Variants in AGAP1 observed in about 807,000 individuals in gnomAD.
AGAP1 encodes the protein ArfGAP with GTPase domain, ankyrin repeat and PH domain 1.
A neutral mutation model predicts 105.3 loss-of-function variants in AGAP1; 29 were observed. That is an observed-to-expected ratio of 0.28 (90% CI 0.21 to 0.38). The LOEUF (loss-of-function observed/expected upper bound fraction) is 0.38, where lower values mean the gene tolerates loss of function less well. Ranked by LOEUF, AGAP1 falls within the 10% of genes least tolerant of loss-of-function variation. AGAP1 has a pLI of 1.00. For missense variants in AGAP1, 998 were observed against 1,165.1 expected (o/e 0.86, Z 2.09); for synonymous variants, 509 against 485.9 (o/e 1.05, Z -0.63).
At position 236,032,479 on chromosome 2, in the gene AGAP1, G is replaced by C. The variant is rs1414220735; in HGVS notation, c.1646-4082G>C. On this transcript the variant is annotated intron_variant, in intron 13 of 17. Coordinates refer to ENST00000304032, the MANE Select transcript of AGAP1 (RefSeq NM_001037131.3). ...AGCAACGTCAGGTGCTCCAGAAAGA[G>C]GGGGGTCAGTGAGAAAGAAGACTAA... Among the ~76,000 whole-genome samples the C allele has an allele frequency of 4.6e-5, 7 of 152,164 alleles. No individual in the cohort carries two copies. The East Asian group carries it at 1.2e-3, about 25-fold the overall frequency.
At chr2:235,968,664 G>C (rs79577109) in intron 13 of AGAP1, 41 bp downstream of exon 13, 1 of 1,576,874 alleles carries the variant, frequency 6.3e-7, no homozygotes, top group South Asian at 1.2e-5. Context: ...TCTCCACTGC[G>C]GAAAATTCTC....
intron 5 of AGAP1, among the ~76,000 whole-genome samples, chr2:235,749,210 T>TA (rs1553621045): frequency 1.2e-4 from 18 of 148,830 alleles, no homozygotes; most frequent in East Asian, 2.0e-4. Flanking sequence ...TCCATCTCAT[T>TA]AAAAAAAAAG....
At position 235,740,183 on chromosome 2, in the gene AGAP1, C is replaced by G. The variant is rs775665867; in HGVS notation, c.311-780C>G. Among the ~76,000 whole-genome samples the G allele has an allele frequency of 6.6e-6, 1 of 152,082 alleles. No homozygotes were observed. Among genetic ancestry groups the G allele is most frequent in the African/African-American group, 2.4e-5 (1 of 41,428 alleles). Reference sequence around the variant, plus strand: ...CAGGAGCAGGGCTGGCCTAGCGGGCCGGGCTGGGCACTGCAGCAACCTTGT... The same window carrying G: ...CAGGAGCAGGGCTGGCCTAGCGGGCGGGGCTGGGCACTGCAGCAACCTTGT... On this transcript the variant is annotated intron_variant, in intron 3 of 17. Coordinates refer to ENST00000304032, the MANE Select transcript of AGAP1 (RefSeq NM_001037131.3). This position sits in a 1 kb window ranked among gnomAD's most constrained non-coding sequence, Gnocchi z 5.7.
intron 16 of AGAP1, among the ~76,000 whole-genome samples, chr2:236,084,490 C>T (rs909423241): frequency 2.2e-4 from 34 of 152,122 alleles, no homozygotes; most frequent in Non-Finnish European, 4.4e-4. Context: ...AAAGAAAATG[C>T]AGGATGCAAA....
rs1276074443 is a variant in AGAP1, at chr2:235,904,432, C to G, written c.1156-4306C>G. On this transcript the variant is annotated intron_variant, in intron 10 of 17. Transcript: ENST00000304032. This position sits in a 1 kb window ranked among gnomAD's most constrained non-coding sequence, Gnocchi z 4.2. ...ACTACTTTTTCAAGCTGTTGAGGGG[C>G]AGGAGATGGCACCTCTGGGGGGCCT... is the stretch of plus-strand genomic sequence containing the variant. Among the ~76,000 whole-genome samples, 1 of 152,100 alleles carries G rather than the reference C, an allele frequency of 6.6e-6. No homozygotes were observed. Among genetic ancestry groups the G allele is most frequent in the Non-Finnish European group, 1.5e-5 (1 of 68,016 alleles).
chr2:235,876,174 T>A (rs1432757130), intron 9 of AGAP1, among the ~76,000 whole-genome samples: 2 of 152,234 alleles, frequency 1.3e-5, no homozygotes, highest in East Asian at 3.9e-4. Context: ...TGCAAATACT[T>A]GTATCTGTTG....
rs1345843599 is a variant in AGAP1, at chr2:235,752,161, C to T, written c.673+1673C>T. ...CCAGGCCCGTGCATGAGGCCAGCTGCCTGTTTTCATAAATAGACTTTTCTT... is the reference window on the plus strand; with the variant it reads ...CCAGGCCCGTGCATGAGGCCAGCTGTCTGTTTTCATAAATAGACTTTTCTT... On this transcript the variant is annotated intron_variant, in intron 6 of 17. Coordinates refer to ENST00000304032, the MANE Select transcript of AGAP1 (RefSeq NM_001037131.3). The surrounding 1 kb of genome is among the most constrained non-coding windows in gnomAD (Gnocchi z 4.3). 6.6e-6 allele frequency among the ~76,000 whole-genome samples: 1 copy of T among 152,142 alleles called. No individual in the cohort carries two copies. The highest frequency in any genetic ancestry group is 1.5e-5 in the Non-Finnish European group (1 of 68,034).
chr2:235,755,554 C>A (rs1953858695), intron 6 of AGAP1, among the ~76,000 whole-genome samples: 1 of 152,214 alleles, frequency 6.6e-6, no homozygotes, highest in Admixed American at 6.5e-5. Context: ...AGTTCTCCTG[C>A]CTCTGCCTCC....
Position 235,610,721 on chromosome 2 carries a change from G to A in AGAP1, c.164-98458G>A, listed in dbSNP as rs765928828. On this transcript the variant is annotated intron_variant, in intron 1 of 17. Transcript: ENST00000304032. This position sits in a 1 kb window ranked among gnomAD's most constrained non-coding sequence, Gnocchi z 4.9. The stretch of plus-strand genomic sequence containing the variant: ...CAGACCCGCCATCCTCAAACGCACT[G>A]TGCTCCCGTGAGCTCCCTGCCCTGG... Among the ~76,000 whole-genome samples the A allele has an allele frequency of 7.2e-5, 11 of 152,072 alleles. No homozygotes were observed. Among genetic ancestry groups the A allele is most frequent in the Non-Finnish European group, 1.2e-4 (8 of 68,018 alleles).
At chr2:235,640,771 C>T (rs955402249) in intron 1 of AGAP1, among the ~76,000 whole-genome samples, 1 of 152,198 alleles carries the variant, frequency 6.6e-6, no homozygotes, top group African/African-American at 2.4e-5. Context: ...CTTTGAACTT[C>T]ACTTTGCAAA....
In AGAP1 at chr2:235,893,169, C is replaced by T. The variant is rs986201608; in HGVS notation, c.1155+9720C>T. On this transcript the variant is annotated intron_variant, in intron 10 of 17. Coordinates refer to ENST00000304032, the MANE Select transcript of AGAP1 (RefSeq NM_001037131.3). This position sits in a 1 kb window ranked among gnomAD's most constrained non-coding sequence, Gnocchi z 4.7. ...GTGCACCGTGTCCATCATAAGGGAG[C>T]GCTGTGTCTTTGGCGCGGGTGTGGC... is the stretch of plus-strand genomic sequence containing the variant. Among the ~76,000 whole-genome samples, 11 of 149,204 alleles carry T rather than the reference C, an allele frequency of 7.4e-5. No homozygotes were observed. Among genetic ancestry groups the T allele is most frequent in the African/African-American group, 2.7e-4 (11 of 40,374 alleles).
At chr2:236,074,827 T>TG (rs1401719019) in intron 16 of AGAP1, among the ~76,000 whole-genome samples, 2 of 152,136 alleles carry the variant, frequency 1.3e-5, no homozygotes, top group African/African-American at 4.8e-5. Flanking sequence ...GGCTGAAGCA[T>TG]GCGCATCAGT....
chr2:235,761,292 C>T (rs1361749780), intron 6 of AGAP1, among the ~76,000 whole-genome samples: 1 of 152,170 alleles, frequency 6.6e-6, no homozygotes, highest in Admixed American at 6.5e-5. Context: ...TTACTAGAAA[C>T]GTTAAGTGTG....
At chr2:235,526,559 A>C (rs1214685724) in intron 1 of AGAP1, among the ~76,000 whole-genome samples, 2 of 152,270 alleles carry the variant, frequency 1.3e-5, no homozygotes, top group East Asian at 3.8e-4. Context: ...AAAAAGATTT[A>C]ACAAGCCTCT....
intron 1 of AGAP1, among the ~76,000 whole-genome samples, chr2:235,587,467 A>G (rs1191793872): frequency 6.6e-6 from 1 of 152,144 alleles, no homozygotes; most frequent in African/African-American, 2.4e-5. Flanking sequence ...AAGTCTCCCA[A>G]CAGGCCGGGT....
In AGAP1 at chr2:235,716,453, A is replaced by G. The variant is rs73996334; in HGVS notation, c.223-1104A>G. Among the ~76,000 whole-genome samples the G allele has an allele frequency of 0.017, 2,523 of 152,182 alleles. 67 individuals carry two copies. The highest frequency in any genetic ancestry group is 0.058 in the African/African-American group (2,421 of 41,514). ...AGCAACAGGGCCAGAGCTTCAGATA[A>G]TTTGAGTGGAGGCAGGAGGGAGGTC... On this transcript the variant is annotated intron_variant, in intron 2 of 17. Coordinates refer to ENST00000304032, the MANE Select transcript of AGAP1 (RefSeq NM_001037131.3). The surrounding 1 kb of genome is among the most constrained non-coding windows in gnomAD (Gnocchi z 4.0).
At chr2:235,534,779 T>C (rs535423935) in intron 1 of AGAP1, among the ~76,000 whole-genome samples, 1 of 152,264 alleles carries the variant, frequency 6.6e-6, no homozygotes, top group East Asian at 1.9e-4. Flanking sequence ...AAGGCAGCCA[T>C]CCGTGGAAGA....
intron 1 of AGAP1, among the ~76,000 whole-genome samples, chr2:235,617,633 C>T (rs1019129849): frequency 1.1e-4 from 16 of 152,146 alleles, no homozygotes; most frequent in East Asian, 1.9e-4. Context: ...ACCTGGGAGG[C>T]GGAGGTTGCA....
intron 1 of AGAP1, among the ~76,000 whole-genome samples, chr2:235,653,262 G>T (rs542548322): frequency 8.2e-4 from 124 of 152,084 alleles, no homozygotes; most frequent in South Asian, 3.7e-3. Context: ...TCAGGAGATC[G>T]AGACCATCCT....
Sources: gnomAD v4.1 joint callset for allele counts (sites outside exome capture counted in the v4.1 genomes callset) on GRCh38, gnomAD v4.1.1 for gene constraint, Gnocchi (gnomAD v3.1) non-coding constraint, MANE v1.5 for transcripts, NCBI Gene and HGNC (gene_info 2026-07-23, HGNC 2026-07-21) for gene names.